TRABD2B: variants seen among roughly 807,000 people sequenced by gnomAD.
The protein encoded by TRABD2B is TraB domain containing 2B.
In TRABD2B, 14 loss-of-function variants were observed where a neutral mutation model predicts 40.1. The ratio of observed to expected loss-of-function variants is 0.35; its 90% CI spans 0.23 to 0.55. TRABD2B has a LOEUF of 0.55. TRABD2B is among the 20% of genes least tolerant of loss of function. The pLI is 0.90. For synonymous variants in TRABD2B, 263 were observed against 277.0 expected (o/e 0.95, Z 0.50); for missense variants, 541 against 648.6 (o/e 0.83, Z 1.80).
intron 2 of TRABD2B, among the ~76,000 whole-genome samples, chr1:47,845,769 A>G (rs1413396481): frequency 6.6e-6 from 1 of 152,230 alleles, no homozygotes; most frequent in Non-Finnish European, 1.5e-5. Context: ...TTTTTGTATA[A>G]TAAGGAATGT....
intron 2 of TRABD2B, among the ~76,000 whole-genome samples, chr1:47,960,196 G>A (rs1267547311): frequency 6.6e-6 from 1 of 152,070 alleles, no homozygotes; most frequent in Non-Finnish European, 1.5e-5. Flanking sequence ...AATAAACTAG[G>A]TATTGATGGG....
At chr1:47,941,460 G>A (rs1645187409) in intron 2 of TRABD2B, among the ~76,000 whole-genome samples, 1 of 152,188 alleles carries the variant, frequency 6.6e-6, no homozygotes. Context: ...ACACATAGAT[G>A]TGTGCCCACT....
intron 4 of TRABD2B, among the ~76,000 whole-genome samples, chr1:47,789,652 G>A (rs1235909216): frequency 4.6e-5 from 7 of 152,116 alleles, no homozygotes; most frequent in Non-Finnish European, 1.0e-4. Context: ...ACTTCAGACA[G>A]TGGTGCTCTG....
chr1:47,994,748 A>C lies in TRABD2B; in HGVS notation c.103-151T>G, dbSNP rs1646066199. ...AAGAGCCAGGTCTTTGGAGCCTGAA[A>C]GACCCACATTGAAAACCTAGCTTTG... is the stretch of plus-strand genomic sequence containing the variant. On this transcript the variant is annotated intron_variant, in intron 1 of 6. Coordinates refer to ENST00000606738, the MANE Select transcript of TRABD2B (RefSeq NM_001194986.2). This position sits in a 1 kb window ranked among gnomAD's most constrained non-coding sequence, Gnocchi z 6.7. Among the ~76,000 whole-genome samples the C allele has an allele frequency of 6.6e-6, 1 of 152,300 alleles. No homozygotes were observed. Among genetic ancestry groups the C allele is most frequent in the East Asian group, 1.9e-4 (1 of 5,172 alleles).
At chr1:47,956,100 C>T (rs72898188) in intron 2 of TRABD2B, among the ~76,000 whole-genome samples, 3,259 of 152,202 alleles carry the variant, frequency 0.021, 55 homozygotes, top group South Asian at 0.067. Flanking sequence ...GTATTTGTTG[C>T]TCAGAACCAC....
At chr1:47,875,828 C>A (rs1353512161) in intron 2 of TRABD2B, among the ~76,000 whole-genome samples, 1 of 152,158 alleles carries the variant, frequency 6.6e-6, no homozygotes, top group Non-Finnish European at 1.5e-5. Flanking sequence ...TCCTGGCCCC[C>A]AGGTGAGTTC....
intron 2 of TRABD2B, among the ~76,000 whole-genome samples, chr1:47,870,337 A>T (rs1436893145): frequency 1.3e-5 from 2 of 152,124 alleles, no homozygotes; most frequent in East Asian, 3.9e-4. Flanking sequence ...CACAGAGAAA[A>T]CTGATGGGAA....
intron 2 of TRABD2B, among the ~76,000 whole-genome samples, chr1:47,928,855 A>C (rs1645003517): frequency 6.6e-6 from 1 of 152,202 alleles, no homozygotes; most frequent in Non-Finnish European, 1.5e-5. Flanking sequence ...TTCAAGGCCC[A>C]GCCTAAACAT....
intron 3 of TRABD2B, among the ~76,000 whole-genome samples, chr1:47,800,281 C>T (rs1644804632): frequency 6.6e-6 from 1 of 152,194 alleles, no homozygotes; most frequent in South Asian, 2.1e-4. Context: ...TGTGGTCATG[C>T]AGGCCAGGTT....
intron 2 of TRABD2B, among the ~76,000 whole-genome samples, chr1:47,912,396 A>T (rs1338024544): frequency 1.3e-5 from 2 of 152,042 alleles, no homozygotes; most frequent in Non-Finnish European, 2.9e-5. Flanking sequence ...TGGTTTTTAA[A>T]TTTTTTTCCT....
intron 2 of TRABD2B, among the ~76,000 whole-genome samples, chr1:47,816,726 T>C (rs1570028806): frequency 6.6e-6 from 1 of 152,302 alleles, no homozygotes; most frequent in South Asian, 2.1e-4. Flanking sequence ...TAATGGTTTG[T>C]CTTTATATAC....
chr1:47,884,001 T>G (rs1039379179), intron 2 of TRABD2B, among the ~76,000 whole-genome samples: 1 of 152,190 alleles, frequency 6.6e-6, no homozygotes, highest in Admixed American at 6.5e-5. Context: ...CCCCAGGGGA[T>G]GTGGGAGGAT....
chr1:47,893,435 G>C (rs1644477086), intron 2 of TRABD2B, among the ~76,000 whole-genome samples: 1 of 152,126 alleles, frequency 6.6e-6, no homozygotes, highest in Non-Finnish European at 1.5e-5. Context: ...ACCATCTGGG[G>C]GATGTTGAAC....
At chr1:47,775,948 C>T (rs1360136726) in intron 5 of TRABD2B, among the ~76,000 whole-genome samples, 1 of 152,010 alleles carries the variant, frequency 6.6e-6, no homozygotes, top group African/African-American at 2.4e-5. Context: ...TGGGGCGTAT[C>T]TGAGCTTGGT....
At chr1:47,935,812 C>T (rs543126307) in intron 2 of TRABD2B, among the ~76,000 whole-genome samples, 48 of 152,348 alleles carry the variant, frequency 3.2e-4, no homozygotes, top group African/African-American at 4.1e-4. Flanking sequence ...TTCATGCCCA[C>T]GCATCCCAAA....
At chr1:47,853,620 G>T (rs968603395) in intron 2 of TRABD2B, among the ~76,000 whole-genome samples, 23 of 152,318 alleles carry the variant, frequency 1.5e-4, no homozygotes, top group African/African-American at 5.3e-4. Context: ...TGGTTAATAT[G>T]GGTTATCCTG....
At chr1:47,790,532 T>C (rs1475589693) in intron 4 of TRABD2B, among the ~76,000 whole-genome samples, 1 of 152,198 alleles carries the variant, frequency 6.6e-6, no homozygotes, top group Non-Finnish European at 1.5e-5. Flanking sequence ...ACATCACAGA[T>C]GCTAAGAGTA....
At chr1:47,911,177 GC>G (rs1301254422) in intron 2 of TRABD2B, among the ~76,000 whole-genome samples, 1 of 152,216 alleles carries the variant, frequency 6.6e-6, no homozygotes, top group Non-Finnish European at 1.5e-5. Context: ...CCTTCTAACA[GC>G]CTTATAGGGT....
At chr1:47,842,076 C>A (rs1645405761) in intron 2 of TRABD2B, among the ~76,000 whole-genome samples, 1 of 152,166 alleles carries the variant, frequency 6.6e-6, no homozygotes, top group African/African-American at 2.4e-5. Flanking sequence ...CTGGCCGAAA[C>A]CAACCTTCTC....
Sources: allele counts gnomAD v4.1 joint callset (sites outside exome capture counted in the v4.1 genomes callset), GRCh38; gene constraint gnomAD v4.1.1; non-coding constraint Gnocchi (gnomAD v3.1); transcripts MANE v1.5; gene names NCBI Gene and HGNC (gene_info 2026-07-23, HGNC 2026-07-21).